The following LRRC4C variants were observed in gnomAD, a reference collection of about 807,000 sequenced individuals.
LRRC4C encodes the protein leucine-rich repeat-containing protein 4C.
In LRRC4C, 5 loss-of-function variants were observed where a neutral mutation model predicts 33.6. The ratio of observed to expected loss-of-function variants is 0.15; its 90% CI spans 0.08 to 0.31. LRRC4C has a LOEUF of 0.31. Among genes scored for constraint, LRRC4C ranks in the 10% least tolerant of loss-of-function variants. LRRC4C has a pLI of 1.00. For missense variants in LRRC4C, 560 were observed against 796.7 expected (o/e 0.70, Z 3.58); for synonymous variants, 329 against 302.0 (o/e 1.09, Z -0.93).
intron 1 of LRRC4C, among the ~76,000 whole-genome samples, chr11:41,032,737 C>A (rs1856803225): frequency 6.6e-6 from 1 of 151,832 alleles, no homozygotes; most frequent in African/African-American, 2.4e-5. Flanking sequence ...AAAAAAAACA[C>A]AAGCAGTAAT....
intron 4 of LRRC4C, among the ~76,000 whole-genome samples, chr11:40,271,349 A>G (rs909750967): frequency 6.6e-6 from 1 of 152,198 alleles, no homozygotes; most frequent in African/African-American, 2.4e-5. Flanking sequence ...ATTAGGAAAG[A>G]GAGTGTTGGA....
chr11:41,263,276 C>T (rs550467324), intron 1 of LRRC4C, among the ~76,000 whole-genome samples: 3 of 152,188 alleles, frequency 2.0e-5, no homozygotes, highest in Admixed American at 1.3e-4. Context: ...AATTAACATC[C>T]GCACCCTCAT....
intron 2 of LRRC4C, among the ~76,000 whole-genome samples, chr11:40,725,614 C>T (rs552855979): frequency 6.6e-6 from 1 of 151,964 alleles, no homozygotes; most frequent in Admixed American, 6.6e-5. Context: ...TCATAATAAT[C>T]TCATTATAAT....
intron 2 of LRRC4C, among the ~76,000 whole-genome samples, chr11:40,730,298 C>A (rs918428947): frequency 6.6e-6 from 1 of 152,128 alleles, no homozygotes; most frequent in African/African-American, 2.4e-5. Context: ...ATTTGGCCAA[C>A]TGTAGGACCT....
At chr11:40,370,370 C>T (rs115740493) in intron 3 of LRRC4C, among the ~76,000 whole-genome samples, 2,189 of 152,214 alleles carry the variant, frequency 0.014, 47 homozygotes, top group African/African-American at 0.049. Context: ...TTCTTTTCAT[C>T]CTCAGTAGGA....
chr11:40,531,680 T>C (rs916522694), intron 3 of LRRC4C, among the ~76,000 whole-genome samples: 1 of 152,010 alleles, frequency 6.6e-6, no homozygotes, highest in African/African-American at 2.4e-5. Flanking sequence ...TAAATCAAGA[T>C]TGCGTTTGAA....
chr11:41,081,279 G>T (rs1939548812), intron 1 of LRRC4C, among the ~76,000 whole-genome samples: 1 of 152,110 alleles, frequency 6.6e-6, no homozygotes, highest in South Asian at 2.1e-4. Flanking sequence ...ACTTAAAACT[G>T]CATGATTTTG....
intron 2 of LRRC4C, among the ~76,000 whole-genome samples, chr11:40,751,124 A>T (rs1358050068): frequency 6.6e-6 from 1 of 152,166 alleles, no homozygotes; most frequent in Non-Finnish European, 1.5e-5. Flanking sequence ...ACTTTTAAAT[A>T]ATAAAGGCTA....
chr11:41,422,679 T>G (rs1296864693), intron 1 of LRRC4C, among the ~76,000 whole-genome samples: 2 of 152,066 alleles, frequency 1.3e-5, no homozygotes, highest in African/African-American at 4.8e-5. Flanking sequence ...TAGTCAGTTT[T>G]CTGTTAGTTG....
At chr11:40,950,500 A>C (rs2136709601) in intron 1 of LRRC4C, among the ~76,000 whole-genome samples, 1 of 152,134 alleles carries the variant, frequency 6.6e-6, no homozygotes, top group African/African-American at 2.4e-5. Context: ...TTTGTATTAT[A>C]ATTATTATTT....
intron 2 of LRRC4C, among the ~76,000 whole-genome samples, chr11:40,925,307 A>T (rs1027810956): frequency 1.3e-5 from 2 of 152,198 alleles, no homozygotes; most frequent in Admixed American, 6.5e-5. Flanking sequence ...GTGATGTATG[A>T]GCAGATGTGT....
intron 3 of LRRC4C, among the ~76,000 whole-genome samples, chr11:40,473,203 A>G (rs942188986): frequency 5.3e-5 from 8 of 152,330 alleles, no homozygotes; most frequent in Middle Eastern, 3.4e-3. Flanking sequence ...AAAAACCTCA[A>G]TAAAATACTG....
chr11:40,523,656 T>C (rs1253190056), intron 3 of LRRC4C, among the ~76,000 whole-genome samples: 1 of 151,206 alleles, frequency 6.6e-6, no homozygotes, highest in Non-Finnish European at 1.5e-5. Flanking sequence ...TGCTAATACT[T>C]GGGTTTCCAT....
intron 4 of LRRC4C, among the ~76,000 whole-genome samples, chr11:40,284,129 G>T (rs1943675403): frequency 6.6e-6 from 1 of 152,170 alleles, no homozygotes; most frequent in Non-Finnish European, 1.5e-5. Context: ...GAGATCAGTG[G>T]GCTTAGGGGA....
At chr11:41,365,479 T>A (rs1472787946) in intron 1 of LRRC4C, among the ~76,000 whole-genome samples, 1 of 152,154 alleles carries the variant, frequency 6.6e-6, no homozygotes, top group Non-Finnish European at 1.5e-5. Flanking sequence ...CCCTAGTCCA[T>A]GGAAAACTTG....
At chr11:40,138,597 G>A (rs1336038712) in intron 6 of LRRC4C, among the ~76,000 whole-genome samples, 1 of 152,212 alleles carries the variant, frequency 6.6e-6, no homozygotes, top group East Asian at 1.9e-4. Flanking sequence ...GGTGGGGCCT[G>A]AACTTGAACT....
intron 1 of LRRC4C, among the ~76,000 whole-genome samples, chr11:40,936,270 G>C (rs1236682083): frequency 1.3e-5 from 2 of 149,200 alleles, no homozygotes; most frequent in African/African-American, 4.9e-5. Context: ...CTGATTTAAA[G>C]GGCCTGAGAA....
At chr11:40,925,347 A>G (rs1416789670) in intron 2 of LRRC4C, among the ~76,000 whole-genome samples, 3 of 152,196 alleles carry the variant, frequency 2.0e-5, no homozygotes, top group Non-Finnish European at 2.9e-5. Flanking sequence ...AAGCTTTAAC[A>G]AAACAAGGGA....
chr11:40,448,832 C>T (rs1001804779), intron 3 of LRRC4C, among the ~76,000 whole-genome samples: 2 of 152,182 alleles, frequency 1.3e-5, no homozygotes, highest in Non-Finnish European at 1.5e-5. Flanking sequence ...ATACTGTCTT[C>T]CACAATAGTT....
Sources: allele counts gnomAD v4.1 joint callset (sites outside exome capture counted in the v4.1 genomes callset), GRCh38; gene constraint gnomAD v4.1.1; transcripts MANE v1.5; gene names NCBI Gene and HGNC (gene_info 2026-07-23, HGNC 2026-07-21).